The following TCN2 variants were observed in gnomAD, a reference collection of about 807,000 sequenced individuals.
TCN2 encodes the protein transcobalamin 2, also known as transcobalamin-2.
A neutral mutation model predicts 48.6 loss-of-function variants in TCN2; 34 were observed. The ratio of observed to expected loss-of-function variants is 0.70; its 90% CI spans 0.53 to 0.93. The LOEUF (loss-of-function observed/expected upper bound fraction) is 0.93. Among genes scored for constraint, TCN2 ranks in the 40% least tolerant of loss-of-function variants. The pLI is 0.00. For synonymous variants in TCN2, 283 were observed against 212.5 expected (o/e 1.33, Z -2.89); for missense variants, 652 against 526.1 (o/e 1.24, Z -2.34).
At chr22:30,623,169 C>T in intron 8 of TCN2, 86 bp downstream of exon 8, 1 of 1,338,914 alleles carries the variant, frequency 7.5e-7, no homozygotes. Context: ...CCAGCTTTCC[C>T]TAGCACCCTC....
chr22:30,617,871 A>C (rs567060598), intron 7 of TCN2, among the ~76,000 whole-genome samples: 3 of 152,316 alleles, frequency 2.0e-5, no homozygotes, highest in Admixed American at 6.5e-5. Context: ...TATATGTGCA[A>C]GGTCCAGCAC....
At chr22:30,607,751 G>C (rs2087474449) in intron 1 of TCN2, among the ~76,000 whole-genome samples, 1 of 152,182 alleles carries the variant, frequency 6.6e-6, no homozygotes, top group African/African-American at 2.4e-5. Flanking sequence ...GAAATGGTTA[G>C]GTGCTCCCAC....
intron 7 of TCN2, among the ~76,000 whole-genome samples, chr22:30,619,256 T>A (rs555123020): frequency 6.6e-6 from 1 of 152,256 alleles, no homozygotes; most frequent in East Asian, 1.9e-4. Flanking sequence ...TTTTTAAAAT[T>A]TTTTGTAGAC....
At chr22:30,623,911 T>TACAC (rs754889346) in intron 8 of TCN2, among the ~76,000 whole-genome samples, 2 of 46,020 alleles carry the variant, frequency 4.3e-5, no homozygotes, top group Non-Finnish European at 7.5e-5. Context: ...TACATATATA[T>TACAC]ACACACATAT....
intron 8 of TCN2, among the ~76,000 whole-genome samples, chr22:30,624,440 C>T (rs1490749218): frequency 6.6e-6 from 1 of 152,056 alleles, no homozygotes; most frequent in African/African-American, 2.4e-5. Flanking sequence ...ATACTCCACC[C>T]CTGAAGAACT....
intron 8 of TCN2, among the ~76,000 whole-genome samples, chr22:30,624,122 C>T (rs1182655703): frequency 2.8e-5 from 4 of 145,314 alleles, no homozygotes; most frequent in Admixed American, 7.1e-5. Flanking sequence ...TTGCCCAGGC[C>T]GGAGTACAAT....
intron 3 of TCN2, among the ~76,000 whole-genome samples, chr22:30,613,828 A>C (rs1011081361): frequency 1.5e-4 from 23 of 152,126 alleles, no homozygotes; most frequent in African/African-American, 5.6e-4. Context: ...CCTTCTGCCC[A>C]GGCTGTGCTC....
At chr22:30,615,546 C>T in intron 5 of TCN2, 55 bp from the exon 6 acceptor site, 2 of 1,613,820 alleles carry the variant, frequency 1.2e-6, no homozygotes, top group Non-Finnish European at 1.7e-6. Context: ...TGCTGGAACA[C>T]CTAGCCCCTC....
intron 1 of TCN2, chr22:30,610,438 C>G (rs578214497): frequency 3.3e-4 from 127 of 380,284 alleles, no homozygotes; most frequent in African/African-American, 2.5e-3. Flanking sequence ...CCATCCTTGG[C>G]TCTGCAGCCT....
Position 30,623,027 on chromosome 22 carries a change from C to G in TCN2, c.1166C>G (p.Ala389Gly). 1 of 1,614,052 alleles carries G rather than the reference C, an allele frequency of 6.2e-7. No individual in the cohort carries two copies. Among genetic ancestry groups the G allele is most frequent in the Non-Finnish European group, 8.5e-7 (1 of 1,180,022 alleles). ...TTAACCTCCGTGATGGGGAAAGCGG[C>G]CGGAGAAAGGGAGTTCTGGCAGCTT... ...PYLTSVMGKA[A>G]GEREFWQLLR... Residue 389 changes from alanine (A) to glycine (G), a missense_variant, in exon 8 of 9, where the codon GCC becomes GGC. Transcript: ENST00000215838.
intron 7 of TCN2, among the ~76,000 whole-genome samples, chr22:30,621,701 C>T (rs2087702169): frequency 6.6e-6 from 1 of 152,118 alleles, no homozygotes; most frequent in African/African-American, 2.4e-5. Flanking sequence ...CCAGGCTGGT[C>T]ATGAACTCCT....
In TCN2 at chr22:30,612,862, C is replaced by G. The variant is rs746958412; in HGVS notation, c.258-11C>G. On this transcript the variant is annotated splice_polypyrimidine_tract_variant and intron_variant, in intron 2 of 8. Coordinates refer to ENST00000215838, the MANE Select transcript of TCN2 (RefSeq NM_000355.4). ...AGTTTCTCACAAAGGCATTAACTGG[C>G]CTTGTCCTAGGTCTGCCTTCAGCGA... 3.1e-6 allele frequency: 5 copies of G among 1,612,872 alleles called. No homozygotes were observed. The African/African-American group carries it at 4.0e-5, about 13-fold the overall frequency.
chr22:30,626,594 A>G lies in TCN2; in HGVS notation c.*73A>G. The G allele has an allele frequency of 6.5e-7, 1 of 1,549,096 alleles. No individual in the cohort carries two copies. Among genetic ancestry groups the G allele is most frequent in the East Asian group, 2.2e-5 (1 of 44,492 alleles). On this transcript the variant is annotated 3_prime_UTR_variant, in exon 9 of 9. Coordinates refer to ENST00000215838, the MANE Select transcript of TCN2 (RefSeq NM_000355.4). ...TACCCTCCCTCCTGATGTCCCTGGA[A>G]CAGGAACTCGCCTGACCCTGCTGCC... is the stretch of plus-strand genomic sequence containing the variant.
At chr22:30,624,441 C>T (rs918872752) in intron 8 of TCN2, among the ~76,000 whole-genome samples, 4 of 152,220 alleles carry the variant, frequency 2.6e-5, no homozygotes, top group South Asian at 2.1e-4. Context: ...TACTCCACCC[C>T]TGAAGAACTT....
intron 8 of TCN2, 173 bp downstream of exon 8, chr22:30,623,256 T>C (rs2050292601): frequency 1.8e-6 from 1 of 567,888 alleles, no homozygotes; most frequent in Non-Finnish European, 3.1e-6. Context: ...AGAATTTTTA[T>C]GCAAGTTACT....
chr22:30,609,129 GC>G (rs2087497811), intron 1 of TCN2, among the ~76,000 whole-genome samples: 2 of 151,776 alleles, frequency 1.3e-5, no homozygotes, highest in African/African-American at 2.4e-5. Flanking sequence ...TGCAAAGTGG[GC>G]TCCTGTGCTT....
chr22:30,607,186 G>C lies in TCN2; in HGVS notation c.-146G>C, dbSNP rs538876353. 1.9e-4 allele frequency: 141 copies of C among 750,258 alleles called. No individual in the cohort carries two copies. The highest frequency in any genetic ancestry group is 2.2e-4 in the Non-Finnish European group (95 of 439,308). The allele number at this position is 750,258 out of a possible 1,614,324, so 46.5% of individuals were successfully genotyped here. A position where few individuals can be genotyped will look rare whatever the true frequency, so the allele number is the denominator to read the frequency against. On this transcript the variant is annotated 5_prime_UTR_variant, in exon 1 of 9. Transcript: ENST00000215838. ...GCCCCACCCCTCTGCAGACTTAGCC[G>C]TGCATTGCAGGCATGGAGGATTAAT...
chr22:30,607,629 G>A (rs1355208550), intron 1 of TCN2, among the ~76,000 whole-genome samples: 4 of 152,184 alleles, frequency 2.6e-5, no homozygotes, highest in African/African-American at 9.7e-5. Flanking sequence ...CGCATACTGA[G>A]CCTTTTCTGT....
chr22:30,608,284 TGAA>T (rs1350827404), intron 1 of TCN2, among the ~76,000 whole-genome samples: 4 of 152,220 alleles, frequency 2.6e-5, no homozygotes, highest in Admixed American at 6.5e-5. Context: ...AGGTGTCAAG[TGAA>T]GAAGTCGAGG....
Sources: gnomAD v4.1 joint callset for allele counts (sites outside exome capture counted in the v4.1 genomes callset) on GRCh38, gnomAD v4.1.1 for gene constraint, MANE v1.5 for transcripts, NCBI Gene and HGNC (gene_info 2026-07-23, HGNC 2026-07-21) for gene names.